ADARB2: variants seen among roughly 807,000 people sequenced by gnomAD.
ADARB2 encodes the protein adenosine deaminase RNA specific B2 (inactive).
A neutral mutation model predicts 62.2 loss-of-function variants in ADARB2; 25 were observed. That is an observed-to-expected ratio of 0.40 (90% confidence interval 0.29 to 0.56). The LOEUF (loss-of-function observed/expected upper bound fraction) is 0.56, where lower values mean the gene tolerates loss of function less well. Ranked by LOEUF, ADARB2 falls within the 20% of genes least tolerant of loss-of-function variation. The pLI is 0.43. For missense variants in ADARB2, 1,071 were observed against 1,077.4 expected, an observed-to-expected ratio of 0.99 and a Z score of 0.08; for synonymous variants, 572 against 500.8, an observed-to-expected ratio of 1.14 and a Z score of -1.90.
intron 7 of ADARB2, among the ~76,000 whole-genome samples, chr10:1,210,356 C>T (rs956056774): frequency 3.9e-5 from 6 of 152,244 alleles, no homozygotes; most frequent in African/African-American, 1.2e-4. Context: ...AGAACTGCGT[C>T]TATTCCCAGA....
intron 1 of ADARB2, among the ~76,000 whole-genome samples, chr10:1,676,762 G>A (rs527992518): frequency 1.8e-4 from 26 of 145,660 alleles, no homozygotes; most frequent in Non-Finnish European, 3.4e-4. Context: ...CTACTTCCAC[G>A]GACACTCGTA....
chr10:1,407,748 C>T (rs540928580), intron 1 of ADARB2, among the ~76,000 whole-genome samples: 1 of 152,262 alleles, frequency 6.6e-6, no homozygotes, highest in East Asian at 1.9e-4. Context: ...TGGTGCCCTC[C>T]CCCACCTCCA....
rs183802932 is a variant in ADARB2 at position 1,585,858 on chromosome 10, C to A, written c.100+151193G>T. Among the ~76,000 whole-genome samples the A allele has an allele frequency of 4.9e-3, 744 of 152,194 alleles. 8 individuals carry two copies. Among genetic ancestry groups the A allele is most frequent in the African/African-American group, 0.017 (690 of 41,518 alleles). On this transcript the variant is annotated intron_variant, in intron 1 of 9. Coordinates refer to ENST00000381312, the MANE Select transcript of ADARB2 (RefSeq NM_018702.4). ...GACCATCCTGGCTAACACGGTGAAACCCCGTCTCTACTAAAAATACAAAAA... is the reference window on the plus strand; with the variant it reads ...GACCATCCTGGCTAACACGGTGAAAACCCGTCTCTACTAAAAATACAAAAA...
chr10:1,232,817 C>T (rs1279304797), intron 6 of ADARB2, among the ~76,000 whole-genome samples: 4 of 140,738 alleles, frequency 2.8e-5, no homozygotes, highest in Admixed American at 1.4e-4. Context: ...TAGTGATATG[C>T]ATGTGCTATA....
rs754421185 is a variant in ADARB2, at chr10:1,398,869, C to G, written c.101-19709G>C. 6.6e-6 allele frequency among the ~76,000 whole-genome samples: 1 copy of G among 152,130 alleles called. No individual in the cohort carries two copies. Among genetic ancestry groups the G allele is most frequent in the African/African-American group, 2.4e-5 (1 of 41,442 alleles). ...GCCTGCACGAGGTTGCTGGGGGAAA[C>G]AGACCGCTCTGTCTTTGGGGTCTTG... On this transcript the variant is annotated intron_variant, in intron 1 of 9. Transcript: ENST00000381312. This position sits in a 1 kb window ranked among gnomAD's most constrained non-coding sequence, Gnocchi z 4.1.
chr10:1,603,138 AAC>A (rs1241129551), intron 1 of ADARB2, among the ~76,000 whole-genome samples: 95 of 85,550 alleles, frequency 1.1e-3, no homozygotes, highest in African/African-American at 3.2e-3. Context: ...TACACACATA[AAC>A]ACACACACAC....
At chr10:1,225,363 C>T (rs1830736076) in intron 6 of ADARB2, among the ~76,000 whole-genome samples, 1 of 152,096 alleles carries the variant, frequency 6.6e-6, no homozygotes, top group Non-Finnish European at 1.5e-5. Context: ...GACTCTTTTT[C>T]CAATTTGCCA....
intron 1 of ADARB2, among the ~76,000 whole-genome samples, chr10:1,496,174 C>A (rs534675861): frequency 6.6e-6 from 1 of 151,930 alleles, no homozygotes; most frequent in South Asian, 2.1e-4. Flanking sequence ...TCATCACCAT[C>A]ATCATCATAG....
At chr10:1,366,015 A>G (rs1167707692) in intron 2 of ADARB2, among the ~76,000 whole-genome samples, 4 of 152,224 alleles carry the variant, frequency 2.6e-5, no homozygotes, top group Non-Finnish European at 5.9e-5. Context: ...TTGCAAAGTA[A>G]CCCATAGGAT....
intron 4 of ADARB2, among the ~76,000 whole-genome samples, chr10:1,263,087 C>G (rs1207652435): frequency 7.4e-6 from 1 of 134,492 alleles, no homozygotes; most frequent in Non-Finnish European, 1.5e-5. Flanking sequence ...ACAATGAGAT[C>G]ACATGGACAC....
At chr10:1,336,100 C>G (rs909725216) in intron 3 of ADARB2, among the ~76,000 whole-genome samples, 1 of 152,212 alleles carries the variant, frequency 6.6e-6, no homozygotes. Context: ...TGCAAACATT[C>G]GAATTCATGG....
intron 1 of ADARB2, among the ~76,000 whole-genome samples, chr10:1,384,371 T>A (rs1832508711): frequency 6.6e-6 from 1 of 152,142 alleles, no homozygotes; most frequent in African/African-American, 2.4e-5. Flanking sequence ...CATTATAGCC[T>A]CCTCCAAAGT....
At position 1,614,768 on chromosome 10, in the gene ADARB2, G is replaced by T. The variant is rs914998433; in HGVS notation, c.100+122283C>A. On this transcript the variant is annotated intron_variant, in intron 1 of 9. Transcript: ENST00000381312. Reference sequence around the variant, plus strand: ...CTACTAAAGATACAAAAAATTAGCCGGGTGTGGTGGCGGGCACCTGTAGTC... The same window carrying T: ...CTACTAAAGATACAAAAAATTAGCCTGGTGTGGTGGCGGGCACCTGTAGTC... Among the ~76,000 whole-genome samples, 3 of 152,118 alleles carry T rather than the reference G, an allele frequency of 2.0e-5. No homozygotes were observed. In the East Asian group the frequency reaches 5.8e-4, roughly 29 times the overall value.
intron 1 of ADARB2, among the ~76,000 whole-genome samples, chr10:1,408,016 C>T (rs1832721380): frequency 6.6e-6 from 1 of 152,156 alleles, no homozygotes; most frequent in Non-Finnish European, 1.5e-5. Context: ...ACACACCCCA[C>T]CTTCCAAGGG....
chr10:1,629,460 C>A (rs1023815120), intron 1 of ADARB2, among the ~76,000 whole-genome samples: 1 of 152,086 alleles, frequency 6.6e-6, no homozygotes, highest in South Asian at 2.1e-4. Flanking sequence ...CGCTCAAGCA[C>A]CCCGCCAGCG....
intron 1 of ADARB2, among the ~76,000 whole-genome samples, chr10:1,706,359 C>T (rs1437401800): frequency 1.3e-5 from 2 of 152,202 alleles, no homozygotes; most frequent in Non-Finnish European, 2.9e-5. Context: ...GGAATAGGAA[C>T]AGCTTGGGAG....
intron 4 of ADARB2, among the ~76,000 whole-genome samples, chr10:1,253,549 A>C (rs1233586760): frequency 2.0e-5 from 3 of 152,238 alleles, no homozygotes; most frequent in Non-Finnish European, 2.9e-5. Context: ...GTGGGCATTA[A>C]ACACCTACCT....
At chr10:1,464,413 ACGCGCGGGGGCCAG>A (rs1831221637) in intron 1 of ADARB2, among the ~76,000 whole-genome samples, 1 of 131,824 alleles carries the variant, frequency 7.6e-6, no homozygotes, top group African/African-American at 2.9e-5. Context: ...TCCCCCACAC[ACGCGCGGGGGCCAG>A]TCACAGCGGG....
intron 3 of ADARB2, among the ~76,000 whole-genome samples, chr10:1,318,051 T>C (rs1831756655): frequency 6.6e-6 from 1 of 152,192 alleles, no homozygotes; most frequent in African/African-American, 2.4e-5. Flanking sequence ...GGGTGTGAAG[T>C]GTTGGCCACT....
Sources: allele counts gnomAD v4.1 joint callset (sites outside exome capture counted in the v4.1 genomes callset), GRCh38; gene constraint gnomAD v4.1.1; non-coding constraint Gnocchi (gnomAD v3.1); transcripts MANE v1.5; gene names NCBI Gene and HGNC (gene_info 2026-07-23, HGNC 2026-07-21).